TPD52L1: variants seen among roughly 807,000 people sequenced by gnomAD.
TPD52L1 encodes the protein tumor protein D53.
TPD52L1 carries 18 observed loss-of-function variants against 28.7 expected under a neutral mutation model. The observed-to-expected ratio is 0.63, with a 90% CI of 0.43 to 0.93. The LOEUF (loss-of-function observed/expected upper bound fraction) is 0.93, where lower values mean the gene tolerates loss of function less well. TPD52L1 is among the 40% of genes least tolerant of loss of function. TPD52L1 has a pLI of 0.00. For missense variants in TPD52L1, 203 were observed against 254.8 expected, an observed-to-expected ratio of 0.80 and a Z score of 1.39; for synonymous variants, 75 against 88.8, an observed-to-expected ratio of 0.84 and a Z score of 0.88.
chr6:125,202,147 T>C (rs1793833948), intron 1 of TPD52L1, among the ~76,000 whole-genome samples: 1 of 152,170 alleles, frequency 6.6e-6, no homozygotes, highest in African/African-American at 2.4e-5. Context: ...TGCATTGAAG[T>C]TGTGCAAAGA....
intron 1 of TPD52L1, among the ~76,000 whole-genome samples, chr6:125,205,798 G>A (rs1794086795): frequency 6.6e-6 from 1 of 152,186 alleles, no homozygotes; most frequent in Admixed American, 6.5e-5. Context: ...GCAGTCAGAA[G>A]ATGGCCACCT....
chr6:125,243,592 A>G (rs1429637553), intron 3 of TPD52L1, among the ~76,000 whole-genome samples: 1 of 151,668 alleles, frequency 6.6e-6, no homozygotes, highest in African/African-American at 2.4e-5. Flanking sequence ...TATTGTTGAA[A>G]CTTTCCACTG....
intron 3 of TPD52L1, among the ~76,000 whole-genome samples, chr6:125,238,136 T>C (rs1051725153): frequency 1.3e-5 from 2 of 152,244 alleles, no homozygotes; most frequent in African/African-American, 4.8e-5. Context: ...ATTTACATCT[T>C]GCTTTCTGAG....
intron 1 of TPD52L1, among the ~76,000 whole-genome samples, chr6:125,197,439 G>A (rs535207020): frequency 2.0e-5 from 3 of 151,918 alleles, no homozygotes; most frequent in African/African-American, 7.2e-5. Flanking sequence ...CTTATTTTTC[G>A]GCAACTCATT....
chr6:125,214,443 C>T (rs1794720586), intron 1 of TPD52L1: 1 of 984,150 alleles, frequency 1.0e-6, no homozygotes, highest in South Asian at 4.7e-5. Flanking sequence ...AGGGATAGAG[C>T]CAGAGGCACA....
At chr6:125,249,179 A>C (rs191042317) in intron 4 of TPD52L1, among the ~76,000 whole-genome samples, 4 of 151,322 alleles carry the variant, frequency 2.6e-5, no homozygotes, top group African/African-American at 7.2e-5. Flanking sequence ...TATTACTCTT[A>C]GTTTTTGCTT....
chr6:125,247,613 C>G (rs1326169401), intron 3 of TPD52L1, among the ~76,000 whole-genome samples: 1 of 152,122 alleles, frequency 6.6e-6, no homozygotes, highest in African/African-American at 2.4e-5. Context: ...TGAGTTTCTT[C>G]TTTATCCCTT....
intron 1 of TPD52L1, among the ~76,000 whole-genome samples, chr6:125,163,882 A>C (rs1205683383): frequency 6.8e-6 from 1 of 147,036 alleles, no homozygotes; most frequent in African/African-American, 2.5e-5. Context: ...ATGTCATTAC[A>C]CTCCAGCCTG....
At chr6:125,156,182 G>T (rs562709566) in intron 1 of TPD52L1, among the ~76,000 whole-genome samples, 5 of 152,252 alleles carry the variant, frequency 3.3e-5, no homozygotes, top group Non-Finnish European at 4.4e-5. Flanking sequence ...ATACTTAAGA[G>T]GCCAGGTGCA....
chr6:125,250,327 G>A (rs1797186837), intron 4 of TPD52L1, among the ~76,000 whole-genome samples: 1 of 152,170 alleles, frequency 6.6e-6, no homozygotes, highest in Non-Finnish European at 1.5e-5. Flanking sequence ...TGGAGTCTAG[G>A]AATCTGCATT....
At chr6:125,193,181 A>C (rs550581235) in intron 1 of TPD52L1, among the ~76,000 whole-genome samples, 1 of 152,316 alleles carries the variant, frequency 6.6e-6, no homozygotes, top group South Asian at 2.1e-4. Context: ...TCTGAAAGCC[A>C]ACCACTTAAA....
At chr6:125,187,007 T>C (rs185375666) in intron 1 of TPD52L1, among the ~76,000 whole-genome samples, 67 of 152,234 alleles carry the variant, frequency 4.4e-4, no homozygotes, top group African/African-American at 1.6e-3. Context: ...AGAAAAAATA[T>C]ATCATCAAAT....
At chr6:125,202,013 A>G (rs1173555398) in intron 1 of TPD52L1, among the ~76,000 whole-genome samples, 7 of 152,312 alleles carry the variant, frequency 4.6e-5, no homozygotes, top group African/African-American at 1.7e-4. Flanking sequence ...AAGACTGTCT[A>G]TACGTCTGAC....
intron 1 of TPD52L1, among the ~76,000 whole-genome samples, chr6:125,182,540 T>G (rs1001323948): frequency 6.6e-6 from 1 of 152,058 alleles, no homozygotes; most frequent in Non-Finnish European, 1.5e-5. Flanking sequence ...GTGATGATGT[T>G]CCAGGCATTG....
intron 1 of TPD52L1, among the ~76,000 whole-genome samples, chr6:125,196,503 G>A (rs565876144): frequency 2.6e-5 from 4 of 152,266 alleles, no homozygotes; most frequent in Admixed American, 6.5e-5. Flanking sequence ...ACCAATGATC[G>A]CCAAATTATT....
At position 125,172,190 on chromosome 6, in the gene TPD52L1, TTTC is replaced by T. The variant is rs1791442987; in HGVS notation, c.19+18223_19+18225del. Reference sequence around the variant, plus strand: ...CTTTCTTTCTTTCTTTCTTTCTTTCTTTCTTTCTTTCTTTCTTCTTTCTTTCTT... The same window carrying T: ...CTTTCTTTCTTTCTTTCTTTCTTTCTTTTCTTTCTTTCTTCTTTCTTTCTT... On this transcript the variant is annotated intron_variant, in intron 1 of 6. Transcript: ENST00000534000. Among the ~76,000 whole-genome samples the T allele has an allele frequency of 1.0e-4, 14 of 135,602 alleles. No homozygotes were observed. In the South Asian group the frequency reaches 3.3e-3, roughly 32 times the overall value. The allele number at this position is 135,602 out of a possible 152,430, so 89.0% of individuals were successfully genotyped here. A position where few individuals can be genotyped will look rare whatever the true frequency, so the allele number is the denominator to read the frequency against.
chr6:125,217,128 A>T lies in TPD52L1; in HGVS notation c.20-2950A>T, dbSNP rs555687656. Among the ~76,000 whole-genome samples the T allele has an allele frequency of 2.3e-3, 356 of 152,314 alleles. 1 individual carries two copies. The highest frequency in any genetic ancestry group is 8.2e-3 in the African/African-American group (342 of 41,588). On this transcript the variant is annotated intron_variant, in intron 1 of 6. Coordinates refer to ENST00000534000, the MANE Select transcript of TPD52L1 (RefSeq NM_003287.4). ...GAAAGTCAGTGTCCAGAAATGGAGT[A>T]TGACCATTGATCCTGTAAGAGTTCC...
chr6:125,209,272 T>C (rs1208880763), intron 1 of TPD52L1, among the ~76,000 whole-genome samples: 1 of 152,046 alleles, frequency 6.6e-6, no homozygotes, highest in Non-Finnish European at 1.5e-5. Flanking sequence ...GCCTCAAACA[T>C]TGGAGTAGAG....
chr6:125,220,094 A>G lies in TPD52L1; in HGVS notation c.36A>G (p.Glu12=). 6.2e-7 allele frequency: 1 copy of G among 1,613,548 alleles called. No homozygotes were observed. Among genetic ancestry groups the G allele is most frequent in the Non-Finnish European group, 8.5e-7 (1 of 1,179,556 alleles). Residue 12 remains glutamate, a synonymous_variant, in exon 2 of 7, where the codon GAA becomes GAG. Transcript: ENST00000534000. The stretch of plus-strand genomic sequence containing the variant: ...TGCCTAAAGGTTTGTTGGAGACTGA[A>G]CCGTTGCAAGGAACAGACGAAGATG... ...EAQAQGLLET[E]PLQGTDEDAV...
Sources: allele counts gnomAD v4.1 joint callset (sites outside exome capture counted in the v4.1 genomes callset), GRCh38; gene constraint gnomAD v4.1.1; transcripts MANE v1.5; gene names NCBI Gene and HGNC (gene_info 2026-07-23, HGNC 2026-07-21).